The following PYHIN1 variants were observed in gnomAD, a reference collection of about 807,000 sequenced individuals.
PYHIN1 encodes pyrin and HIN domain family member 1, also known as pyrin and HIN domain-containing protein 1.
In PYHIN1, 32 loss-of-function variants were observed where a neutral mutation model predicts 43.7. The observed-to-expected ratio is 0.73, with a 90% CI of 0.55 to 0.98. PYHIN1 has a LOEUF of 0.98. PYHIN1 is among the 50% of genes least tolerant of loss of function. The pLI, the probability that PYHIN1 is intolerant of heterozygous loss-of-function variation, is 0.00. For missense variants in PYHIN1, 588 were observed against 589.5 expected (o/e 1.00, Z 0.03); for synonymous variants, 205 against 203.1 (o/e 1.01, Z -0.08).
intron 7 of PYHIN1, among the ~76,000 whole-genome samples, chr1:158,969,356 G>A (rs1230127920): frequency 6.6e-6 from 1 of 151,780 alleles, no homozygotes; most frequent in Non-Finnish European, 1.5e-5. Context: ...CAGTAAATGG[G>A]CAGGCAACTT....
At chr1:158,976,561 T>G (rs1465901032) in intron 8 of PYHIN1, 140 bp from the exon 9 acceptor site, 4 of 578,796 alleles carry the variant, frequency 6.9e-6, no homozygotes, top group African/African-American at 3.9e-5. Flanking sequence ...AGGAGATAGA[T>G]GAGAATGAGA....
At chr1:158,951,865 AT>A (rs1649550355) in intron 7 of PYHIN1, among the ~76,000 whole-genome samples, 1 of 152,044 alleles carries the variant, frequency 6.6e-6, no homozygotes, top group Non-Finnish European at 1.5e-5. Context: ...CTTAAATTGG[AT>A]TTGGAGAGAG....
chr1:158,934,377 T>C (rs1255949129), intron 1 of PYHIN1, among the ~76,000 whole-genome samples: 1 of 152,190 alleles, frequency 6.6e-6, no homozygotes, highest in Non-Finnish European at 1.5e-5. Flanking sequence ...AACTTTTTGT[T>C]TAGCAATTTA....
intron 7 of PYHIN1, among the ~76,000 whole-genome samples, chr1:158,949,885 C>A (rs988254899): frequency 1.3e-5 from 2 of 152,210 alleles, no homozygotes; most frequent in East Asian, 1.9e-4. Context: ...AGGCTGCCTG[C>A]AGCTAAGACT....
chr1:158,957,079 A>C (rs1649985742), intron 7 of PYHIN1, among the ~76,000 whole-genome samples: 1 of 147,902 alleles, frequency 6.8e-6, no homozygotes, highest in South Asian at 2.2e-4. Flanking sequence ...GGAGACCTAC[A>C]AACCACTGCT....
intron 1 of PYHIN1, among the ~76,000 whole-genome samples, chr1:158,934,304 T>C (rs1398202238): frequency 2.0e-5 from 3 of 152,222 alleles, no homozygotes; most frequent in Non-Finnish European, 4.4e-5. Context: ...TCACATCTGG[T>C]TTCATTTTGC....
chr1:158,983,676 C>T, the PYHIN1 span, among the ~76,000 whole-genome samples: 13 of 151,980 alleles, frequency 8.6e-5, no homozygotes, highest in East Asian at 5.8e-4. Flanking sequence ...GCAGAGTCTC[C>T]GCTCCTCAAT....
chr1:158,957,446 T>G (rs1226010227), intron 7 of PYHIN1, among the ~76,000 whole-genome samples: 1 of 151,648 alleles, frequency 6.6e-6, no homozygotes, highest in Non-Finnish European at 1.5e-5. Flanking sequence ...GCAGAAATAA[T>G]GCCGCATATC....
intron 7 of PYHIN1, among the ~76,000 whole-genome samples, chr1:158,948,247 T>C (rs1350552148): frequency 1.3e-5 from 2 of 152,218 alleles, no homozygotes; most frequent in Non-Finnish European, 1.5e-5. Flanking sequence ...CAGGAACAGG[T>C]GTCAAACCAG....
intron 7 of PYHIN1, among the ~76,000 whole-genome samples, chr1:158,951,996 G>A (rs1018541141): frequency 2.0e-5 from 3 of 152,144 alleles, no homozygotes; most frequent in Non-Finnish European, 2.9e-5. Context: ...TTGTATACAA[G>A]GAGCACATGA....
rs78396216 is a variant in PYHIN1, at chr1:158,957,942, G to A, written c.1359+12900G>A. 1.7e-3 allele frequency among the ~76,000 whole-genome samples: 255 copies of A among 151,984 alleles called. 8 individuals carry two copies. The East Asian group carries it at 0.047, about 28-fold the overall frequency. On this transcript the variant is annotated intron_variant, in intron 7 of 8. Transcript: ENST00000368140. ...CAAACAACCCCATCAGAAAGTGGGT[G>A]AAGGACATGAACAGACACTTCTCAA...
the PYHIN1 span, among the ~76,000 whole-genome samples, chr1:158,987,989 T>C: frequency 6.6e-6 from 1 of 152,124 alleles, no homozygotes; most frequent in Non-Finnish European, 1.5e-5. Context: ...GATAGTAAGG[T>C]TATGCATCTA....
intron 1 of PYHIN1, among the ~76,000 whole-genome samples, chr1:158,935,080 C>A (rs1648441150): frequency 1.3e-5 from 2 of 151,960 alleles, no homozygotes; most frequent in South Asian, 2.1e-4. Context: ...CTAAAGAGGT[C>A]CAGAGGAGTA....
chr1:158,938,349 C>T, intron 2 of PYHIN1, 48 bp from the exon 3 acceptor site: 1 of 1,604,526 alleles, frequency 6.2e-7, no homozygotes, highest in Non-Finnish European at 8.5e-7. Flanking sequence ...TTCGGGTGTC[C>T]CCGATCATCT....
At chr1:158,953,935 C>T (rs1441699685) in intron 7 of PYHIN1, among the ~76,000 whole-genome samples, 3 of 132,058 alleles carry the variant, frequency 2.3e-5, no homozygotes, top group Admixed American at 7.8e-5. Flanking sequence ...AACCAAGGCT[C>T]GAGAACTACG....
chr1:158,947,188 T>C (rs578152824), intron 7 of PYHIN1, among the ~76,000 whole-genome samples: 3 of 152,348 alleles, frequency 2.0e-5, no homozygotes, highest in East Asian at 1.9e-4. Flanking sequence ...TAGTTAAGTA[T>C]ATTCTTTGAG....
chr1:158,959,904 A>G (rs377664809), intron 7 of PYHIN1, among the ~76,000 whole-genome samples: 6 of 152,298 alleles, frequency 3.9e-5, no homozygotes, highest in East Asian at 3.9e-4. Flanking sequence ...CTCTGACATG[A>G]TGGGGTACTT....
At chr1:158,980,293 CAT>C (rs1651442310), downstream of PYHIN1, among the ~76,000 whole-genome samples, 1 of 151,998 alleles carries the variant, frequency 6.6e-6, no homozygotes, top group Non-Finnish European at 1.5e-5. Context: ...GATTGTAAAA[CAT>C]GTGAGTTTGA....
At chr1:158,988,870 G>T in the PYHIN1 span, among the ~76,000 whole-genome samples, 5 of 152,148 alleles carry the variant, frequency 3.3e-5, no homozygotes, top group African/African-American at 1.2e-4. Context: ...AGAATACCAA[G>T]ACACACCCCC....
Sources: allele counts gnomAD v4.1 joint callset (sites outside exome capture counted in the v4.1 genomes callset), GRCh38; gene constraint gnomAD v4.1.1; transcripts MANE v1.5; gene names NCBI Gene and HGNC (gene_info 2026-07-23, HGNC 2026-07-21).